Variants in CACNA2D3 observed in about 807,000 individuals in gnomAD.
CACNA2D3 encodes the protein calcium voltage-gated channel auxiliary subunit alpha2delta 3.
In CACNA2D3, 60 loss-of-function variants were observed where a neutral mutation model predicts 160.6. That is an observed-to-expected ratio of 0.37 (90% CI 0.30 to 0.46). The LOEUF is 0.46. Among genes scored for constraint, CACNA2D3 ranks in the 20% least tolerant of loss-of-function variants. The pLI is 1.00. For missense variants in CACNA2D3, 1,205 were observed against 1,365.0 expected (o/e 0.88, Z 1.85); for synonymous variants, 558 against 492.9 (o/e 1.13, Z -1.75).
At chr3:54,155,788 G>T (rs771459278) in intron 2 of CACNA2D3, among the ~76,000 whole-genome samples, 3 of 152,192 alleles carry the variant, frequency 2.0e-5, no homozygotes, top group Non-Finnish European at 4.4e-5. Flanking sequence ...ACCTGTGACC[G>T]TGGGGCCATT....
chr3:54,938,833 A>C (rs1174557869), intron 27 of CACNA2D3, among the ~76,000 whole-genome samples: 1 of 152,198 alleles, frequency 6.6e-6, no homozygotes, highest in Non-Finnish European at 1.5e-5. Context: ...ATGATTCTAG[A>C]AAAGTCAGGG....
intron 14 of CACNA2D3, among the ~76,000 whole-genome samples, chr3:54,823,551 A>G (rs1442873258): frequency 6.6e-6 from 1 of 152,178 alleles, no homozygotes; most frequent in Non-Finnish European, 1.5e-5. Flanking sequence ...TTTTATTTAT[A>G]ATGAGGAAAA....
chr3:54,385,051 A>T (rs1699166024), intron 3 of CACNA2D3, among the ~76,000 whole-genome samples: 1 of 152,192 alleles, frequency 6.6e-6, no homozygotes, highest in South Asian at 2.1e-4. Context: ...AAGTTAAATA[A>T]GAGTTGAGAA....
At chr3:54,484,290 C>T (rs776190854) in intron 4 of CACNA2D3, among the ~76,000 whole-genome samples, 6 of 152,150 alleles carry the variant, frequency 3.9e-5, no homozygotes, top group Admixed American at 6.5e-5. Context: ...TCCTATTCTC[C>T]ATGACCCCCT....
chr3:54,880,704 A>G, intron 20 of CACNA2D3, 92 bp from the exon 21 acceptor site: 1 of 1,085,446 alleles, frequency 9.2e-7, no homozygotes, highest in East Asian at 2.4e-5. Flanking sequence ...TAAAATGGAA[A>G]TGTGAAAAAT....
chr3:54,417,939 A>C (rs1699781723), intron 4 of CACNA2D3, among the ~76,000 whole-genome samples: 1 of 152,068 alleles, frequency 6.6e-6, no homozygotes, highest in African/African-American at 2.4e-5. Flanking sequence ...GGCATATGCC[A>C]CCACACCCAG....
intron 27 of CACNA2D3, among the ~76,000 whole-genome samples, chr3:54,900,146 G>C (rs1257505524): frequency 1.3e-5 from 2 of 152,180 alleles, no homozygotes; most frequent in Non-Finnish European, 1.5e-5. Context: ...AGAATTTCTT[G>C]ATGGTAGGTA....
At chr3:54,862,526 C>A (rs1699314670) in intron 17 of CACNA2D3, among the ~76,000 whole-genome samples, 1 of 152,130 alleles carries the variant, frequency 6.6e-6, no homozygotes, top group African/African-American at 2.4e-5. Flanking sequence ...TTCCCTCTTG[C>A]CTGCATCCCT....
chr3:54,541,937 GGT>G (rs766158876), intron 5 of CACNA2D3, among the ~76,000 whole-genome samples: 37 of 148,448 alleles, frequency 2.5e-4, no homozygotes, highest in South Asian at 4.3e-4. Context: ...GGTGTGTGTG[GGT>G]TTTTTTTTTT....
Position 55,038,835 on chromosome 3 carries a change from A to G in CACNA2D3, c.2987+20518A>G, listed in dbSNP as rs566257142. Among the ~76,000 whole-genome samples the G allele has an allele frequency of 2.8e-5, 4 of 144,048 alleles. No individual in the cohort carries two copies. In the Middle Eastern group the frequency reaches 0.015, roughly 526 times the overall value. 94.5% of individuals were successfully genotyped at this position (144,048 alleles called of 152,430 possible). On this transcript the variant is annotated intron_variant, in intron 35 of 37. Coordinates refer to ENST00000474759, the MANE Select transcript of CACNA2D3 (RefSeq NM_018398.3). ...TAAGATAGTAAATGCCTTGGAAATA[A>G]TGCTAAGATAAGTGAAGTAGCCAGG... is the stretch of plus-strand genomic sequence containing the variant.
At chr3:54,269,616 T>C (rs907781123) in intron 2 of CACNA2D3, among the ~76,000 whole-genome samples, 3 of 151,894 alleles carry the variant, frequency 2.0e-5, no homozygotes, top group Non-Finnish European at 4.4e-5. Flanking sequence ...GTAAAGAAAA[T>C]CCTGCAAGGA....
chr3:54,416,717 A>G (rs1699760202), intron 4 of CACNA2D3, among the ~76,000 whole-genome samples: 1 of 152,178 alleles, frequency 6.6e-6, no homozygotes, highest in African/African-American at 2.4e-5. Context: ...TAATAAATTC[A>G]TCAGTTTGCT....
At chr3:54,650,706 G>T (rs1699748178) in intron 11 of CACNA2D3, among the ~76,000 whole-genome samples, 1 of 152,040 alleles carries the variant, frequency 6.6e-6, no homozygotes, top group Admixed American at 6.6e-5. Flanking sequence ...TCACCTTGTT[G>T]GCCAGGCTGG....
At chr3:54,241,381 T>C (rs1701971362) in intron 2 of CACNA2D3, among the ~76,000 whole-genome samples, 2 of 152,048 alleles carry the variant, frequency 1.3e-5, no homozygotes, top group Admixed American at 1.3e-4. Flanking sequence ...GTACCTCTAT[T>C]ATAGAAGAGA....
intron 3 of CACNA2D3, among the ~76,000 whole-genome samples, chr3:54,340,082 T>C (rs1445951522): frequency 1.3e-5 from 2 of 152,192 alleles, no homozygotes; most frequent in Non-Finnish European, 2.9e-5. Flanking sequence ...GAGAAATGAT[T>C]TTAGAAAACT....
At chr3:54,830,691 G>T (rs1315512797) in intron 14 of CACNA2D3, among the ~76,000 whole-genome samples, 3 of 151,732 alleles carry the variant, frequency 2.0e-5, no homozygotes, top group African/African-American at 7.3e-5. Flanking sequence ...CCAACCTCAG[G>T]TGATCCGCCC....
intron 2 of CACNA2D3, among the ~76,000 whole-genome samples, chr3:54,200,048 CTATT>C (rs1270717214): frequency 6.6e-6 from 1 of 152,166 alleles, no homozygotes; most frequent in Non-Finnish European, 1.5e-5. Context: ...AAAGTGGAAA[CTATT>C]TAATATCTGG....
chr3:54,575,399 A>AT (rs922932376), intron 8 of CACNA2D3, among the ~76,000 whole-genome samples: 1 of 151,842 alleles, frequency 6.6e-6, no homozygotes, highest in Admixed American at 6.6e-5. Flanking sequence ...TTCTTATCTT[A>AT]TTTTTTGTTT....
At chr3:54,493,821 C>T (rs1299878721) in intron 4 of CACNA2D3, among the ~76,000 whole-genome samples, 1 of 152,160 alleles carries the variant, frequency 6.6e-6, no homozygotes, top group Non-Finnish European at 1.5e-5. Flanking sequence ...CAGCCAGGCC[C>T]GTTTGTATTA....
Sources: allele counts gnomAD v4.1 joint callset (sites outside exome capture counted in the v4.1 genomes callset), GRCh38; gene constraint gnomAD v4.1.1; transcripts MANE v1.5; gene names NCBI Gene and HGNC (gene_info 2026-07-23, HGNC 2026-07-21).